DENND2C: variants seen among roughly 807,000 people sequenced by gnomAD.
DENND2C encodes DENN domain-containing protein 2C.
Under a neutral mutation model 112.4 loss-of-function variants are expected in DENND2C, and 72 were observed. The ratio of observed to expected loss-of-function variants is 0.64; its 90% confidence interval spans 0.53 to 0.78. DENND2C has a LOEUF of 0.78. Ranked by LOEUF, DENND2C falls within the 30% of genes least tolerant of loss-of-function variation. DENND2C has a pLI of 0.00. For missense variants in DENND2C, 992 were observed against 1,113.8 expected (o/e 0.89, Z 1.56); for synonymous variants, 329 against 381.6 (o/e 0.86, Z 1.61).
intron 7 of DENND2C, among the ~76,000 whole-genome samples, chr1:114,621,303 C>T (rs922071981): frequency 6.6e-6 from 1 of 152,290 alleles, no homozygotes; most frequent in South Asian, 2.1e-4. Context: ...TGTCTGCCTG[C>T]AAGCAATCTC....
chr1:114,588,024 G>A (rs1655089085), intron 18 of DENND2C, 72 bp from the exon 19 acceptor site: 1 of 1,305,734 alleles, frequency 7.7e-7, no homozygotes, highest in East Asian at 2.4e-5. Context: ...ACTGGCTCTG[G>A]TTATGGAAGT....
Position 114,625,818 on chromosome 1 carries a change from A to G in DENND2C, c.167T>C (p.Ile56Thr), listed in dbSNP as rs1656325326. 6.2e-7 allele frequency: 1 copy of G among 1,613,980 alleles called. No homozygotes were observed. The change falls in exon 4 of 21, where the codon ATC becomes ACC. Residue 56 changes from isoleucine to threonine, a missense_variant. By Grantham distance (89) the Ile-to-Thr change is moderately conservative. This residue lies in a region of DENND2C where 470 missense variants were observed against 472.7 expected (regional missense o/e 0.99). Transcript: ENST00000393274. ...FGVRYNCHQE[I>T]RLKKNPIAER... is the part of the protein sequence containing the mutation. ...AGCTATAGGATTTTTCTTAAGACGG[A>G]TCTCTTGGTGACAGTTATATCTCAC...
At chr1:114,654,229 A>G (rs1208205357) in intron 2 of DENND2C, among the ~76,000 whole-genome samples, 1 of 152,138 alleles carries the variant, frequency 6.6e-6, no homozygotes, top group African/African-American at 2.4e-5. Context: ...TCAGGAGATC[A>G]AGACCATCCT....
At chr1:114,615,586 A>G (rs1655942994) in intron 8 of DENND2C, among the ~76,000 whole-genome samples, 1 of 152,218 alleles carries the variant, frequency 6.6e-6, no homozygotes, top group South Asian at 2.1e-4. Context: ...GACCAAAAGT[A>G]TTTCTTCCCC....
At position 114,625,338 on chromosome 1, in the gene DENND2C, G is replaced by GTCC; in HGVS notation, c.644_646dup (p.Arg215dup). On this transcript the variant is annotated inframe_insertion, in exon 4 of 21. Transcript: ENST00000393274. Reference sequence around the variant, plus strand: ...ACCAGATTCGGATAAATATCTGAATGTCCTACGAGGTTTTGGCAAAGGATT... The same window carrying GTCC: ...ACCAGATTCGGATAAATATCTGAATGTCCTCCTACGAGGTTTTGGCAAAGGATT... 6.2e-7 allele frequency: 1 copy of GTCC among 1,614,116 alleles called. No homozygotes were observed. The highest frequency in any genetic ancestry group is 1.7e-5 in the Admixed American group (1 of 60,018).
chr1:114,591,370 G>T (rs894951755), intron 18 of DENND2C, among the ~76,000 whole-genome samples: 2 of 152,148 alleles, frequency 1.3e-5, no homozygotes, highest in Non-Finnish European at 2.9e-5. Flanking sequence ...GAGGTTGCAT[G>T]TCTCTTCAAT....
At chr1:114,643,578 T>G (rs1415052443) in intron 3 of DENND2C, among the ~76,000 whole-genome samples, 1 of 152,174 alleles carries the variant, frequency 6.6e-6, no homozygotes, top group Admixed American at 6.5e-5. Flanking sequence ...CAGCCTTTTA[T>G]CTCACTCCTA....
chr1:114,632,802 T>C (rs1197850069), intron 3 of DENND2C, among the ~76,000 whole-genome samples: 1 of 152,168 alleles, frequency 6.6e-6, no homozygotes, highest in African/African-American at 2.4e-5. Context: ...TAGCAGAAAT[T>C]TTACACTTAT....
At chr1:114,591,822 T>C (rs1434385787) in intron 18 of DENND2C, among the ~76,000 whole-genome samples, 1 of 125,326 alleles carries the variant, frequency 8.0e-6, no homozygotes, top group East Asian at 2.4e-4. Flanking sequence ...AGATCCATAT[T>C]CATTTTTTTC....
chr1:114,638,148 A>G (rs968732477), intron 3 of DENND2C, among the ~76,000 whole-genome samples: 1 of 152,216 alleles, frequency 6.6e-6, no homozygotes, highest in Non-Finnish European at 1.5e-5. Context: ...ACATATATAT[A>G]GTCAATTGAT....
In DENND2C at chr1:114,587,578, A is replaced by G. The variant is rs113879256; in HGVS notation, c.2669-105T>C. On this transcript the variant is annotated intron_variant, in intron 19 of 20. Coordinates refer to ENST00000393274, the MANE Select transcript of DENND2C (RefSeq NM_001256404.2). ...GTGTATTATTTCCAGGGCTAAAACA[A>G]TATTACAAAATAATTCTCATAATAA... The G allele has an allele frequency of 5.2e-5, 75 of 1,439,136 alleles. 1 individual carries two copies. Among genetic ancestry groups the G allele is most frequent in the African/African-American group, 3.8e-4 (27 of 70,400 alleles). The allele number at this position is 1,439,136 out of a possible 1,614,324, so 89.1% of individuals were successfully genotyped here.
At chr1:114,667,724 T>C (rs1274648583) in intron 1 of DENND2C, among the ~76,000 whole-genome samples, 1 of 152,226 alleles carries the variant, frequency 6.6e-6, no homozygotes, top group African/African-American at 2.4e-5. Flanking sequence ...ATGTCATTTG[T>C]ATCTCACTCA....
At chr1:114,644,683 T>C (rs1656930484) in intron 3 of DENND2C, among the ~76,000 whole-genome samples, 1 of 152,156 alleles carries the variant, frequency 6.6e-6, no homozygotes, top group Non-Finnish European at 1.5e-5. Context: ...CTCATAACAA[T>C]CCTTAGAGGA....
At chr1:114,602,327 C>G in intron 11 of DENND2C, 133 bp from the exon 12 acceptor site, 5 of 784,852 alleles carry the variant, frequency 6.4e-6, no homozygotes, top group Non-Finnish European at 9.8e-6. Context: ...CAACCACTTA[C>G]GGCATTCTCC....
chr1:114,611,192 C>A, intron 8 of DENND2C, 75 bp from the exon 9 acceptor site: 1 of 1,543,702 alleles, frequency 6.5e-7, no homozygotes, highest in Admixed American at 1.7e-5. Context: ...CAATGTAAAC[C>A]CACAAACCTG....
chr1:114,620,112 C>T (rs1459491069), intron 7 of DENND2C, among the ~76,000 whole-genome samples: 1 of 152,070 alleles, frequency 6.6e-6, no homozygotes, highest in Admixed American at 6.6e-5. Flanking sequence ...CTTCCAGGGA[C>T]AGCTGGAGGC....
chr1:114,626,652 A>G (rs1237581890), intron 3 of DENND2C, among the ~76,000 whole-genome samples: 3 of 151,644 alleles, frequency 2.0e-5, no homozygotes, highest in Non-Finnish European at 4.4e-5. Flanking sequence ...CTGTGACTAC[A>G]GGTACATGCC....
intron 7 of DENND2C, among the ~76,000 whole-genome samples, chr1:114,621,181 TG>T (rs1162715985): frequency 6.6e-6 from 1 of 152,154 alleles, no homozygotes; most frequent in African/African-American, 2.4e-5. Flanking sequence ...CCCGGAACTC[TG>T]GGGGCCAGGG....
intron 3 of DENND2C, among the ~76,000 whole-genome samples, chr1:114,633,972 T>A (rs1570792678): frequency 6.6e-6 from 1 of 152,364 alleles, no homozygotes; most frequent in East Asian, 1.9e-4. Flanking sequence ...AAAGCTGGAT[T>A]GTCTATGTTA....
Sources: gnomAD v4.1 joint callset for allele counts (sites outside exome capture counted in the v4.1 genomes callset) on GRCh38, gnomAD v4.1.1 for gene constraint, gnomAD v4.1.1 regional missense constraint, MANE v1.5 for transcripts, NCBI Gene and HGNC (gene_info 2026-07-23, HGNC 2026-07-21) for gene names.